PTPRD: variants seen among roughly 807,000 people sequenced by gnomAD.
PTPRD encodes receptor-type tyrosine-protein phosphatase delta.
A neutral mutation model predicts 214.5 loss-of-function variants in PTPRD; 34 were observed. The observed-to-expected ratio is 0.16, with a 90% confidence interval of 0.12 to 0.21. The LOEUF is 0.21. PTPRD is among the 10% of genes least tolerant of loss of function. The probability of loss-of-function intolerance (pLI) is 1.00; values close to 1 mark genes in which losing one functional copy is unlikely to be tolerated. For synonymous variants in PTPRD, 1,128 were observed against 845.7 expected (o/e 1.33, Z -5.79); for missense variants, 2,545 against 2,398.7 (o/e 1.06, Z -1.27).
At chr9:10,075,681 G>C (rs975750020) in intron 3 of PTPRD, among the ~76,000 whole-genome samples, 3 of 151,590 alleles carry the variant, frequency 2.0e-5, no homozygotes, top group Non-Finnish European at 4.4e-5. Flanking sequence ...CATTTTCTGG[G>C]GGGGAGGGGG....
intron 5 of PTPRD, among the ~76,000 whole-genome samples, chr9:9,880,938 G>C (rs1032863915): frequency 6.6e-6 from 1 of 152,038 alleles, no homozygotes; most frequent in African/African-American, 2.4e-5. Context: ...AATAGTTTAA[G>C]TGAACAAAAA....
At chr9:8,781,393 T>C (rs548547565) in intron 11 of PTPRD, among the ~76,000 whole-genome samples, 18 of 152,100 alleles carry the variant, frequency 1.2e-4, no homozygotes, top group Non-Finnish European at 2.2e-4. Flanking sequence ...AAAATACCCT[T>C]AGGAGATAAA....
chr9:9,274,074 T>C (rs1187863948), intron 9 of PTPRD, among the ~76,000 whole-genome samples: 1 of 151,228 alleles, frequency 6.6e-6, no homozygotes, highest in Non-Finnish European at 1.5e-5. Context: ...TCTCCCTGTA[T>C]ACTATTTTTT....
At chr9:9,816,838 C>A (rs2048937572) in intron 5 of PTPRD, among the ~76,000 whole-genome samples, 2 of 151,860 alleles carry the variant, frequency 1.3e-5, no homozygotes, top group Admixed American at 1.3e-4. Flanking sequence ...TCTCTCTTAT[C>A]CTATGCATGA....
intron 2 of PTPRD, among the ~76,000 whole-genome samples, chr9:10,350,119 C>A (rs2097157354): frequency 6.6e-6 from 1 of 152,016 alleles, no homozygotes; most frequent in African/African-American, 2.4e-5. Context: ...AATATAGACC[C>A]ATTTCATTGG....
intron 8 of PTPRD, among the ~76,000 whole-genome samples, chr9:9,406,763 G>A (rs1438357834): frequency 4.6e-5 from 7 of 151,510 alleles, no homozygotes; most frequent in East Asian, 3.9e-4. Context: ...GAATATTAAT[G>A]AGCAATTTTA....
At chr9:10,511,772 C>T (rs1327147678) in intron 2 of PTPRD, among the ~76,000 whole-genome samples, 2 of 149,410 alleles carry the variant, frequency 1.3e-5, no homozygotes, top group African/African-American at 4.9e-5. Context: ...TTTCATTTTA[C>T]GTTATATATC....
At chr9:8,972,512 AGAGGGAAG>A (rs1045763383) in intron 11 of PTPRD, among the ~76,000 whole-genome samples, 47 of 151,984 alleles carry the variant, frequency 3.1e-4, no homozygotes, top group African/African-American at 1.1e-3. Context: ...AGGGAAGAGG[AGAGGGAAG>A]GAGGGAAGGA....
chr9:8,353,654 G>A (rs1460110798), intron 39 of PTPRD, among the ~76,000 whole-genome samples: 1 of 151,396 alleles, frequency 6.6e-6, no homozygotes, highest in Admixed American at 6.6e-5. Context: ...GGCTGGTCTC[G>A]AACTCCTGAC....
At chr9:10,145,509 C>G (rs1028826083) in intron 3 of PTPRD, among the ~76,000 whole-genome samples, 3 of 152,022 alleles carry the variant, frequency 2.0e-5, no homozygotes, top group African/African-American at 7.2e-5. Context: ...TGTTCTCTAC[C>G]TTACTTTATT....
chr9:9,645,960 A>G (rs2096148196), intron 7 of PTPRD, among the ~76,000 whole-genome samples: 1 of 151,840 alleles, frequency 6.6e-6, no homozygotes, highest in Non-Finnish European at 1.5e-5. Flanking sequence ...ATGATATTTT[A>G]ATGCACAACA....
At chr9:9,578,040 T>C (rs622046) in intron 7 of PTPRD, among the ~76,000 whole-genome samples, 116,084 of 122,528 alleles carry the variant, frequency 0.95, 54,826 homozygotes, top group Middle Eastern at 0.97. Flanking sequence ...AGTAAGACTC[T>C]GTCTCAAAAA....
At chr9:8,329,266 C>A (rs569218760) in intron 44 of PTPRD, among the ~76,000 whole-genome samples, 2 of 152,116 alleles carry the variant, frequency 1.3e-5, no homozygotes, top group African/African-American at 2.4e-5. Flanking sequence ...TTCCTTCTAA[C>A]AAACACCCAG....
rs114873340 is a variant in PTPRD at position 10,494,795 on chromosome 9, G to C, written c.-600+117603C>G. On this transcript the variant is annotated intron_variant, in intron 2 of 45. Transcript: ENST00000381196. ...CATAGTATATTTAATGTCAGTTTCA[G>C]ATACTGTATATTAAGATAGAATTGT... Among the ~76,000 whole-genome samples, 978 of 151,314 alleles carry C rather than the reference G, an allele frequency of 6.5e-3. 12 individuals carry two copies. Among genetic ancestry groups the C allele is most frequent in the African/African-American group, 0.022 (931 of 41,398 alleles).
At chr9:9,865,284 G>T (rs2063694510) in intron 5 of PTPRD, among the ~76,000 whole-genome samples, 3 of 152,172 alleles carry the variant, frequency 2.0e-5, no homozygotes, top group Admixed American at 2.0e-4. Context: ...TTCCCAATGT[G>T]GCAGTATTGA....
intron 11 of PTPRD, among the ~76,000 whole-genome samples, chr9:8,895,605 G>T (rs137910342): frequency 6.6e-6 from 1 of 152,078 alleles, no homozygotes; most frequent in Non-Finnish European, 1.5e-5. Flanking sequence ...TCCTCTCCCC[G>T]ATATGTGTGC....
At chr9:9,319,076 C>T (rs1357351767) in intron 9 of PTPRD, among the ~76,000 whole-genome samples, 2 of 152,136 alleles carry the variant, frequency 1.3e-5, no homozygotes, top group African/African-American at 2.4e-5. Flanking sequence ...ATAGGCTTGA[C>T]GAAAAGGATT....
chr9:10,218,578 T>C (rs1052591702), intron 3 of PTPRD, among the ~76,000 whole-genome samples: 56 of 151,988 alleles, frequency 3.7e-4, no homozygotes, highest in African/African-American at 1.3e-3. Flanking sequence ...CTCTAAGAGA[T>C]ACAGTGTATA....
At chr9:10,530,076 C>T (rs1280455632) in intron 2 of PTPRD, among the ~76,000 whole-genome samples, 1 of 151,848 alleles carries the variant, frequency 6.6e-6, no homozygotes, top group African/African-American at 2.4e-5. Context: ...TTAAAAAAGT[C>T]AATTTAAAAA....
Sources: allele counts gnomAD v4.1 joint callset (sites outside exome capture counted in the v4.1 genomes callset), GRCh38; gene constraint gnomAD v4.1.1; transcripts MANE v1.5; gene names NCBI Gene and HGNC (gene_info 2026-07-23, HGNC 2026-07-21).